The following DSP variants were observed in gnomAD, a reference collection of about 807,000 sequenced individuals.
DSP encodes 250/210 kDa paraneoplastic pemphigus antigen.
Under a neutral mutation model 290.6 loss-of-function variants are expected in DSP, and 114 were observed. That is an observed-to-expected ratio of 0.39 (90% confidence interval 0.34 to 0.46). DSP has a LOEUF of 0.46. Ranked by LOEUF, DSP falls within the 20% of genes least tolerant of loss-of-function variation. The pLI, the probability that DSP is intolerant of heterozygous loss-of-function variation, is 0.99. For missense variants in DSP, 3,230 were observed against 3,495.8 expected (o/e 0.92, Z 1.92); for synonymous variants, 1,311 against 1,316.4 (o/e 1.00, Z 0.09).
chr6:7,583,409 G>A lies in DSP; in HGVS notation c.6147G>A (p.Leu2049=), dbSNP rs1412123086. The change falls in exon 24 of 24, where the codon CTG becomes CTA. Residue 2049 remains leucine (L), a synonymous_variant. Coordinates refer to ENST00000379802, the MANE Select transcript of DSP (RefSeq NM_004415.4). This position sits in a 1 kb window ranked among gnomAD's most constrained non-coding sequence, Gnocchi z 4.0. ...LISPESTVML[L]EAQAATGGII... ...GCCCAGAATCCACAGTCATGCTTCTGGAGGCCCAGGCAGCTACAGGTGGTA... is the reference window on the plus strand; with the variant it reads ...GCCCAGAATCCACAGTCATGCTTCTAGAGGCCCAGGCAGCTACAGGTGGTA... 7 of 1,614,154 alleles carry A rather than the reference G, an allele frequency of 4.3e-6. No homozygotes were observed. The East Asian group carries it at 1.6e-4, about 36-fold the overall frequency.
intron 15 of DSP, among the ~76,000 whole-genome samples, chr6:7,573,565 G>A (rs577424547): frequency 7.3e-5 from 11 of 150,444 alleles, no homozygotes; most frequent in East Asian, 3.9e-4. Context: ...GCGACAGAGC[G>A]AGACTCTGTC....
In DSP at chr6:7,565,317, G is replaced by A; in HGVS notation, c.778-42G>A. 1 of 1,611,474 alleles carries A rather than the reference G, an allele frequency of 6.2e-7. No homozygotes were observed. Among genetic ancestry groups the A allele is most frequent in the Non-Finnish European group, 8.5e-7 (1 of 1,178,722 alleles). ...AAACCTGCAGAGAACACCAGTCACT[G>A]CATATTGTTATTTTAATGCTGCCTT... On this transcript the variant is annotated intron_variant, in intron 6 of 23. Transcript: ENST00000379802. The surrounding 1 kb of genome is among the most constrained non-coding windows in gnomAD (Gnocchi z 4.2).
intron 9 of DSP, among the ~76,000 whole-genome samples, 157 bp from the exon 10 acceptor site, chr6:7,567,624 T>C (rs948539342): frequency 3.3e-5 from 5 of 152,212 alleles, no homozygotes; most frequent in African/African-American, 1.2e-4. Flanking sequence ...ACAAATAGTT[T>C]CCCGCTGCCA....
chr6:7,573,015 A>G (rs545772502), intron 15 of DSP, among the ~76,000 whole-genome samples: 1 of 152,306 alleles, frequency 6.6e-6, no homozygotes, highest in African/African-American at 2.4e-5. Flanking sequence ...CTGTAATCCC[A>G]GCTACTTGCT....
intron 2 of DSP, 79 bp downstream of exon 2, chr6:7,555,899 G>A (rs1758495008): frequency 9.7e-6 from 13 of 1,336,236 alleles, no homozygotes; most frequent in South Asian, 3.7e-5. Context: ...TCTGCTGGCC[G>A]GGGCCTATTC....
rs200377566 is a variant in DSP at position 7,579,782 on chromosome 6, C to T, written c.3592C>T (p.His1198Tyr). 1.9e-6 allele frequency: 3 copies of T among 1,613,854 alleles called. No individual in the cohort carries two copies. The highest frequency in any genetic ancestry group is 2.7e-5 in the African/African-American group (2 of 74,956). Reference sequence around the variant, plus strand: ...AAATGAGCTGGCAAAGGTAAGAAACCACTATAATGAGGAGATGAGTAATTT... The same window carrying T: ...AAATGAGCTGGCAAAGGTAAGAAACTACTATAATGAGGAGATGAGTAATTT... ...YENELAKVRN[H>Y]YNEEMSNLRN... Residue 1198 changes from histidine (H) to tyrosine (Y), a missense_variant, in exon 23 of 24, where the codon CAC (histidine) becomes TAC (tyrosine). This residue lies in a region of DSP where 1,714 missense variants were observed against 1,844.5 expected (regional missense o/e 0.93). Coordinates refer to ENST00000379802, the MANE Select transcript of DSP (RefSeq NM_004415.4). The surrounding 1 kb of genome is among the most constrained non-coding windows in gnomAD (Gnocchi z 4.1).
At chr6:7,551,848 C>T (rs1758352074) in intron 1 of DSP, among the ~76,000 whole-genome samples, 1 of 152,182 alleles carries the variant, frequency 6.6e-6, no homozygotes, top group South Asian at 2.1e-4. Flanking sequence ...GGTGGATTCC[C>T]TATACCTTAG....
At chr6:7,577,652 G>A (rs566104990) in intron 20 of DSP, 127 bp from the exon 21 acceptor site, 7 of 822,570 alleles carry the variant, frequency 8.5e-6, no homozygotes, top group Admixed American at 3.5e-5. Context: ...GGCCACTAGT[G>A]GCGCAAAGTC....
At chr6:7,562,100 A>G (rs1039717661) in intron 4 of DSP, among the ~76,000 whole-genome samples, 10 of 152,232 alleles carry the variant, frequency 6.6e-5, no homozygotes, top group Admixed American at 6.5e-5. Context: ...GAAGTGGCCC[A>G]TAGGGAGTTT....
At chr6:7,544,906 A>C (rs1758127838) in intron 1 of DSP, among the ~76,000 whole-genome samples, 1 of 152,240 alleles carries the variant, frequency 6.6e-6, no homozygotes, top group African/African-American at 2.4e-5. Flanking sequence ...AATAATAGAC[A>C]TGTACATGTT....
intron 11 of DSP, 92 bp from the exon 12 acceptor site, chr6:7,569,094 G>C (rs767824453): frequency 1.3e-6 from 2 of 1,543,980 alleles, no homozygotes; most frequent in Non-Finnish European, 1.8e-6. Context: ...TTAATAATTC[G>C]CATGTGTTCA....
In DSP at chr6:7,585,587, C is replaced by T. The variant is rs2113704869; in HGVS notation, c.8325C>T (p.Thr2775=). The T allele has an allele frequency of 1.9e-6, 3 of 1,614,068 alleles. No homozygotes were observed. The highest frequency in any genetic ancestry group is 2.2e-5 in the East Asian group (1 of 44,906). Residue 2775 remains threonine (T), a synonymous_variant, in exon 24 of 24, where the codon ACC becomes ACT. Transcript: ENST00000379802. ...QDTSSYAKIL[T]CPKTKLKISY... The stretch of plus-strand genomic sequence containing the variant: ...CCAGCAGCTATGCCAAAATCCTGAC[C>T]TGCCCCAAAACCAAATTAAAAATAT...
In DSP at chr6:7,567,228, T is replaced by A. The variant is rs948614895; in HGVS notation, c.1045-126T>A. 2.0e-5 allele frequency: 16 copies of A among 802,694 alleles called. No homozygotes were observed. The African/African-American group carries it at 2.5e-4, about 13-fold the overall frequency. 49.7% of individuals were successfully genotyped at this position (802,694 alleles called of 1,614,324 possible). On this transcript the variant is annotated intron_variant, in intron 8 of 23. Transcript: ENST00000379802. The stretch of plus-strand genomic sequence containing the variant: ...ATTCTCTTTCCAACTTTTAGAAAAA[T>A]ATCTGCTTGACTTAGAATGAGATAA...
Position 7,577,002 on chromosome 6 carries a change from A to T in DSP, c.2837A>T (p.Glu946Val). Residue 946 changes from glutamate to valine, a missense_variant, in exon 20 of 24, where the codon GAA becomes GTA. By Grantham distance (121) the Glu-to-Val change is moderately radical. Transcript: ENST00000379802. ...TCTGGCAAACGAGACAAATCAGAGG[A>T]AGTACAAAAAATTGCTGAACTTTGC... is the stretch of plus-strand genomic sequence containing the variant. Reference protein sequence around the residue: ...EISGKRDKSEEVQKIAELCAN... With the variant: ...EISGKRDKSEVVQKIAELCAN... 1 of 1,612,950 alleles carries T rather than the reference A, an allele frequency of 6.2e-7. No homozygotes were observed. Among genetic ancestry groups the T allele is most frequent in the Non-Finnish European group, 8.5e-7 (1 of 1,179,558 alleles).
chr6:7,569,504 A>G (rs1224327445), intron 12 of DSP, among the ~76,000 whole-genome samples, 164 bp downstream of exon 12: 3 of 152,222 alleles, frequency 2.0e-5, no homozygotes, highest in African/African-American at 7.2e-5. Flanking sequence ...TTGTCTTGCA[A>G]TTTTATGTTG....
At chr6:7,556,539 C>G (rs1758510117) in intron 2 of DSP, among the ~76,000 whole-genome samples, 1 of 152,206 alleles carries the variant, frequency 6.6e-6, no homozygotes, top group South Asian at 2.1e-4. Context: ...CGAAGTCTCC[C>G]TAATGCCGAC....
Position 7,575,367 on chromosome 6 carries a change from C to A in DSP, c.2509C>A (p.Gln837Lys). Residue 837 changes from glutamine (Q) to lysine (K), a missense_variant, in exon 18 of 24, where the codon CAG becomes AAG. Gln to Lys is a moderately conservative substitution (Grantham distance 53). Coordinates refer to ENST00000379802, the MANE Select transcript of DSP (RefSeq NM_004415.4). ...GAAGACAGAACTACAGAAAGCCCAG[C>A]AGATCCACTCTCAGACTTCACAGCA... ...TMKTELQKAQ[Q>K]IHSQTSQQYP... 6.2e-7 allele frequency: 1 copy of A among 1,613,994 alleles called. No homozygotes were observed. The highest frequency in any genetic ancestry group is 1.1e-5 in the South Asian group (1 of 91,082).
intron 17 of DSP, 103 bp from the exon 18 acceptor site, chr6:7,575,192 C>A: frequency 9.2e-7 from 1 of 1,085,472 alleles, no homozygotes; most frequent in Non-Finnish European, 1.4e-6. Context: ...TATGAATATT[C>A]TAAAGTGTTT....
rs755508926 is a variant in DSP, at chr6:7,585,479, G to A, written c.8217G>A (p.Pro2739=). The change falls in exon 24 of 24, where the codon CCG becomes CCA. Residue 2739 remains proline, a synonymous_variant. Coordinates refer to ENST00000379802, the MANE Select transcript of DSP (RefSeq NM_004415.4). Reference sequence around the variant, plus strand: ...ACCTCACGGGAGGTCTTGTTGACCCGGAAGTGCATGGGAGGATAAGCACCG... The same window carrying A: ...ACCTCACGGGAGGTCTTGTTGACCCAGAAGTGCATGGGAGGATAAGCACCG... The part of the protein sequence containing the change: ...FQYLTGGLVD[P]EVHGRISTEE... 8.7e-6 allele frequency: 14 copies of A among 1,614,066 alleles called. No homozygotes were observed. Among genetic ancestry groups the A allele is most frequent in the Non-Finnish European group, 1.2e-5 (14 of 1,180,036 alleles).
Sources: allele counts gnomAD v4.1 joint callset (sites outside exome capture counted in the v4.1 genomes callset), GRCh38; gene constraint gnomAD v4.1.1; regional missense constraint gnomAD v4.1.1; non-coding constraint Gnocchi (gnomAD v3.1); transcripts MANE v1.5; gene names NCBI Gene and HGNC (gene_info 2026-07-23, HGNC 2026-07-21).